RXFP1: variants seen among roughly 807,000 people sequenced by gnomAD.
RXFP1 encodes relaxin receptor 1.
A neutral mutation model predicts 89.8 loss-of-function variants in RXFP1; 73 were observed. That is an observed-to-expected ratio of 0.81 (90% CI 0.67 to 0.99). RXFP1 has a LOEUF of 0.99. Ranked by LOEUF, RXFP1 falls within the 50% of genes least tolerant of loss-of-function variation. The pLI is 0.00. For missense variants in RXFP1, 793 were observed against 895.5 expected, an observed-to-expected ratio of 0.89 and a Z score of 1.46; for synonymous variants, 277 against 305.5, an observed-to-expected ratio of 0.91 and a Z score of 0.97.
chr4:158,548,688 T>A (rs1455776228), intron 1 of RXFP1, among the ~76,000 whole-genome samples: 1 of 152,176 alleles, frequency 6.6e-6, no homozygotes, highest in Non-Finnish European at 1.5e-5. Flanking sequence ...TGTAAAGGAT[T>A]TTATTTATCC....
chr4:158,625,550 T>C (rs2150178709), intron 9 of RXFP1, among the ~76,000 whole-genome samples: 1 of 152,292 alleles, frequency 6.6e-6, no homozygotes, highest in South Asian at 2.1e-4. Flanking sequence ...CATTTTGTTT[T>C]TGTTTGTTAT....
intron 2 of RXFP1, among the ~76,000 whole-genome samples, chr4:158,577,785 G>A (rs899469598): frequency 5.9e-5 from 9 of 152,040 alleles, no homozygotes; most frequent in African/African-American, 2.2e-4. Context: ...ACTAATACAT[G>A]AACTAATTAT....
rs571775214 is a variant in RXFP1 at position 158,606,941 on chromosome 4, A to C, written c.465-1031A>C. ...TTAGGTTTTCTTGCATGTTGGAGAA[A>C]TAGGGTACTTTTCAGTCAAAATTTA... On this transcript the variant is annotated intron_variant, in intron 5 of 17. Transcript: ENST00000307765. 14 of 792,468 alleles carry C rather than the reference A, an allele frequency of 1.8e-5. No individual in the cohort carries two copies. The East Asian group carries it at 3.7e-4, about 21-fold the overall frequency. 49.1% of individuals were successfully genotyped at this position (792,468 alleles called of 1,614,324 possible).
At chr4:158,583,473 A>G (rs1045497828) in intron 2 of RXFP1, among the ~76,000 whole-genome samples, 7 of 152,254 alleles carry the variant, frequency 4.6e-5, no homozygotes, top group African/African-American at 9.6e-5. Context: ...AAAATATCTT[A>G]TATGCCCCAT....
At chr4:158,574,613 A>G (rs1579745545) in intron 2 of RXFP1, among the ~76,000 whole-genome samples, 1 of 152,296 alleles carries the variant, frequency 6.6e-6, no homozygotes, top group East Asian at 1.9e-4. Context: ...GAAATTCCTC[A>G]TTTTCACTTT....
intron 4 of RXFP1, among the ~76,000 whole-genome samples, chr4:158,603,357 T>G (rs1017604250): frequency 1.3e-5 from 2 of 152,132 alleles, no homozygotes; most frequent in African/African-American, 4.8e-5. Context: ...GCTCCTCAAT[T>G]AGTTAATATA....
intron 1 of RXFP1, among the ~76,000 whole-genome samples, chr4:158,532,415 G>T (rs950548320): frequency 2.2e-4 from 34 of 151,920 alleles, no homozygotes; most frequent in Non-Finnish European, 4.3e-4. Flanking sequence ...GTGTCTTTTT[G>T]GTAGAACTGT....
At chr4:158,617,738 CACA>C (rs1253628034) in intron 9 of RXFP1, among the ~76,000 whole-genome samples, 2 of 151,966 alleles carry the variant, frequency 1.3e-5, no homozygotes, top group Non-Finnish European at 1.5e-5. Flanking sequence ...CTATTTAGAA[CACA>C]AGTGAAAAAT....
chr4:158,629,342 G>T (rs917464587), intron 11 of RXFP1, among the ~76,000 whole-genome samples: 1 of 152,160 alleles, frequency 6.6e-6, no homozygotes, highest in Admixed American at 6.5e-5. Context: ...TTGCTGATTT[G>T]AAACCAAAGG....
At chr4:158,562,654 G>GAT (rs1752741189) in intron 1 of RXFP1, among the ~76,000 whole-genome samples, 1 of 150,420 alleles carries the variant, frequency 6.6e-6, no homozygotes, top group Admixed American at 6.6e-5. Flanking sequence ...TTTTTACCAG[G>GAT]ATATATATCT....
chr4:158,569,533 C>G (rs1419748902), intron 1 of RXFP1, among the ~76,000 whole-genome samples: 1 of 152,158 alleles, frequency 6.6e-6, no homozygotes, highest in Non-Finnish European at 1.5e-5. Context: ...TATGGGCACT[C>G]TCTGTACCTT....
chr4:158,583,961 T>C (rs1243617588), intron 2 of RXFP1, among the ~76,000 whole-genome samples: 1 of 152,178 alleles, frequency 6.6e-6, no homozygotes, highest in Non-Finnish European at 1.5e-5. Context: ...TCAAAGAAAC[T>C]CCACACAGTT....
At chr4:158,527,871 T>C (rs1742979760) in intron 1 of RXFP1, among the ~76,000 whole-genome samples, 1 of 152,114 alleles carries the variant, frequency 6.6e-6, no homozygotes, top group Non-Finnish European at 1.5e-5. Flanking sequence ...TTTTCAGCTG[T>C]CTTATTCTTA....
At position 158,633,390 on chromosome 4, in the gene RXFP1, C is replaced by T; in HGVS notation, c.900-15C>T. Reference sequence around the variant, plus strand: ...TTAAGAAAATAATATCACATATTTGCAATTATTTCTCCAGGGATTTAGGAA... The same window carrying T: ...TTAAGAAAATAATATCACATATTTGTAATTATTTCTCCAGGGATTTAGGAA... On this transcript the variant is annotated splice_polypyrimidine_tract_variant and intron_variant, in intron 11 of 17. Coordinates refer to ENST00000307765, the MANE Select transcript of RXFP1 (RefSeq NM_021634.4). 1.3e-6 allele frequency: 2 copies of T among 1,489,554 alleles called. No individual in the cohort carries two copies. Among genetic ancestry groups the T allele is most frequent in the Non-Finnish European group, 1.9e-6 (2 of 1,070,208 alleles). 92.3% of individuals were successfully genotyped at this position (1,489,554 alleles called of 1,614,324 possible). A position where few individuals can be genotyped will look rare whatever the true frequency, so the allele number is the denominator to read the frequency against.
intron 11 of RXFP1, among the ~76,000 whole-genome samples, chr4:158,632,440 G>A (rs1485128892): frequency 1.3e-5 from 2 of 152,154 alleles, no homozygotes; most frequent in Non-Finnish European, 2.9e-5. Flanking sequence ...ATGAATAGAA[G>A]AAAAGGTTAG....
intron 1 of RXFP1, among the ~76,000 whole-genome samples, chr4:158,531,916 GTATTTTGT>G (rs1334686845): frequency 4.5e-4 from 5 of 11,190 alleles, no homozygotes; most frequent in Non-Finnish European, 4.2e-3. Context: ...GTTGGTTTGG[GTATTTTGT>G]TTGTTTGTTT....
At chr4:158,569,662 T>C (rs1754613446) in intron 1 of RXFP1, among the ~76,000 whole-genome samples, 2 of 152,268 alleles carry the variant, frequency 1.3e-5, no homozygotes, top group Non-Finnish European at 2.9e-5. Flanking sequence ...CAAATATTCA[T>C]ACCTTTCAAT....
At chr4:158,527,564 A>ATATATATAT (rs1553989393) in intron 1 of RXFP1, among the ~76,000 whole-genome samples, 4 of 98,326 alleles carry the variant, frequency 4.1e-5, no homozygotes, top group African/African-American at 1.4e-4. Flanking sequence ...AAAAAAAAAA[A>ATATATATAT]ATATATATAT....
intron 2 of RXFP1, among the ~76,000 whole-genome samples, chr4:158,577,063 C>T (rs1756400394): frequency 6.6e-6 from 1 of 151,382 alleles, no homozygotes; most frequent in Non-Finnish European, 1.5e-5. Flanking sequence ...TCTTTTGAGA[C>T]AGTCTCATTC....
Sources: gnomAD v4.1 joint callset for allele counts (sites outside exome capture counted in the v4.1 genomes callset) on GRCh38, gnomAD v4.1.1 for gene constraint, MANE v1.5 for transcripts, NCBI Gene and HGNC (gene_info 2026-07-23, HGNC 2026-07-21) for gene names.